Variants in STRBP observed in about 807,000 individuals in gnomAD.
The protein encoded by STRBP is spermatid perinuclear RNA binding protein.
STRBP carries 13 observed loss-of-function variants against 80.1 expected under a neutral mutation model. The observed-to-expected ratio is 0.16, with a 90% CI of 0.11 to 0.26. The LOEUF (loss-of-function observed/expected upper bound fraction) is 0.26, where lower values mean the gene tolerates loss of function less well. Among genes scored for constraint, STRBP ranks in the 10% least tolerant of loss-of-function variants. The probability of loss-of-function intolerance (pLI) is 1.00; values close to 1 mark genes in which losing one functional copy is unlikely to be tolerated. For missense variants in STRBP, 485 were observed against 815.2 expected (o/e 0.59, Z 4.93); for synonymous variants, 284 against 291.2 (o/e 0.98, Z 0.25).
chr9:123,237,987 A>T (rs999817223), intron 1 of STRBP, among the ~76,000 whole-genome samples: 25 of 152,218 alleles, frequency 1.6e-4, no homozygotes, highest in African/African-American at 5.3e-4. Context: ...CCACCTGTGT[A>T]ACCTTGAGAT....
intron 2 of STRBP, among the ~76,000 whole-genome samples, chr9:123,234,635 T>C (rs937403104): frequency 1.3e-5 from 2 of 152,126 alleles, no homozygotes; most frequent in South Asian, 2.1e-4. Flanking sequence ...AGTAATAGTA[T>C]ATAAAGTGCC....
chr9:123,260,807 T>C (rs1194611698), intron 1 of STRBP, among the ~76,000 whole-genome samples: 3 of 152,170 alleles, frequency 2.0e-5, no homozygotes, highest in East Asian at 1.9e-4. Context: ...TTGATGGCTA[T>C]ATGGAAATTT....
chr9:123,149,394 A>G (rs2036960220), intron 11 of STRBP, among the ~76,000 whole-genome samples: 1 of 152,244 alleles, frequency 6.6e-6, no homozygotes, highest in Non-Finnish European at 1.5e-5. Flanking sequence ...AAAAGGAACT[A>G]TGTCTATTCA....
At chr9:123,146,713 G>T in intron 13 of STRBP, 142 bp downstream of exon 13, 1 of 733,616 alleles carries the variant, frequency 1.4e-6, no homozygotes, top group Non-Finnish European at 2.0e-6. Flanking sequence ...AAACAACTTT[G>T]TTATCCAGAA....
At position 123,169,033 on chromosome 9, in the gene STRBP, C is replaced by G. The variant is rs536068696; in HGVS notation, c.535+869G>C. On this transcript the variant is annotated intron_variant, in intron 6 of 18. Coordinates refer to ENST00000348403, the MANE Select transcript of STRBP (RefSeq NM_018387.5). ...CACAAACCTCCTAAAAAAAAATTTA[C>G]TAAACATTATCCATTAAAAAAATTC... Among the ~76,000 whole-genome samples the G allele has an allele frequency of 5.9e-5, 9 of 152,182 alleles. No individual in the cohort carries two copies. In the East Asian group the frequency reaches 1.4e-3, roughly 23 times the overall value.
intron 2 of STRBP, among the ~76,000 whole-genome samples, chr9:123,202,167 C>T (rs1365657097): frequency 2.0e-5 from 3 of 152,132 alleles, no homozygotes; most frequent in Non-Finnish European, 4.4e-5. Context: ...ATTCTGTATC[C>T]ATTCTGCCAT....
chr9:123,205,487 T>C (rs2039482370), intron 2 of STRBP, among the ~76,000 whole-genome samples: 1 of 152,190 alleles, frequency 6.6e-6, no homozygotes, highest in African/African-American at 2.4e-5. Flanking sequence ...TGAGGTAAGT[T>C]TGCAAAACGA....
intron 2 of STRBP, among the ~76,000 whole-genome samples, chr9:123,230,970 C>T (rs1490922301): frequency 6.6e-6 from 1 of 152,158 alleles, no homozygotes; most frequent in East Asian, 1.9e-4. Flanking sequence ...TTACAAAATC[C>T]TCTTTGCAGA....
chr9:123,229,211 G>GTA (rs2040330072), intron 2 of STRBP, among the ~76,000 whole-genome samples: 1 of 152,268 alleles, frequency 6.6e-6, no homozygotes, highest in African/African-American at 2.4e-5. Context: ...CCACTAAGGG[G>GTA]TACAGAGTTT....
chr9:123,222,778 T>C (rs1015217003), intron 2 of STRBP, among the ~76,000 whole-genome samples: 4 of 152,180 alleles, frequency 2.6e-5, no homozygotes, highest in African/African-American at 4.8e-5. Flanking sequence ...CAAACCCAGA[T>C]AGTTTCTCTT....
In STRBP at chr9:123,136,118, C is replaced by T. The variant is rs766025671; in HGVS notation, c.1696G>A (p.Ala566Thr). Residue 566 changes from alanine (A) to threonine (T), a missense_variant, in exon 16 of 19, where the codon GCA (alanine) becomes ACA (threonine). Around this residue, in one of 3 missense-constraint regions of STRBP, gnomAD observed 23 missense variants for 79.0 expected, o/e 0.29. Coordinates refer to ENST00000348403, the MANE Select transcript of STRBP (RefSeq NM_018387.5). The surrounding 1 kb of genome is among the most constrained non-coding windows in gnomAD (Gnocchi z 4.2). ...AGTTTCTCCAAGGCAGCTAAAGCTG[C>T]ACTCGCCTTTGCCACTTTCTTATTT... ...GPNKKVAKASAALAALEKLFS... is the reference protein window; with the variant it reads ...GPNKKVAKASTALAALEKLFS... The T allele has an allele frequency of 3.1e-6, 5 of 1,614,100 alleles. No homozygotes were observed. In the African/African-American group the frequency reaches 6.7e-5, roughly 22 times the overall value.
intron 2 of STRBP, among the ~76,000 whole-genome samples, chr9:123,189,157 C>T (rs962959557): frequency 1.4e-4 from 21 of 150,368 alleles, no homozygotes; most frequent in Admixed American, 9.9e-4. Flanking sequence ...ATGTCCTTTG[C>T]AGGGACATGG....
intron 1 of STRBP, among the ~76,000 whole-genome samples, chr9:123,265,354 A>C (rs1392513491): frequency 6.6e-6 from 1 of 152,218 alleles, no homozygotes; most frequent in East Asian, 1.9e-4. Context: ...AAAAGAAGAA[A>C]ACTAATCAAC....
intron 5 of STRBP, among the ~76,000 whole-genome samples, chr9:123,171,660 T>C (rs2038015949): frequency 1.3e-5 from 2 of 152,190 alleles, no homozygotes; most frequent in African/African-American, 2.4e-5. Flanking sequence ...TACAAGAAAA[T>C]GTATCTTTAC....
chr9:123,113,142 G>C (rs770533395), intron 3 of STRBP: 1 of 167,184 alleles, frequency 6.0e-6, no homozygotes, highest in Non-Finnish European at 1.5e-5. Context: ...AGGAAGTCCA[G>C]ACTAAACGGA....
chr9:123,112,057 C>A, intron 3 of STRBP: 1 of 173,810 alleles, frequency 5.8e-6, no homozygotes. Context: ...CTGCTCAGAG[C>A]ACAGCACACC....
chr9:123,164,337 G>A (rs1263443994), intron 6 of STRBP, among the ~76,000 whole-genome samples: 6 of 152,112 alleles, frequency 3.9e-5, no homozygotes, highest in Non-Finnish European at 5.9e-5. Context: ...GTGAGCCACC[G>A]CACCCGGCCA....
chr9:123,197,541 A>G (rs1054037659), intron 2 of STRBP, among the ~76,000 whole-genome samples: 3 of 150,440 alleles, frequency 2.0e-5, no homozygotes, highest in Non-Finnish European at 4.4e-5. Context: ...TCATTATATC[A>G]CTCCGTATGC....
At chr9:123,249,652 T>G (rs952966482) in intron 1 of STRBP, among the ~76,000 whole-genome samples, 1 of 152,118 alleles carries the variant, frequency 6.6e-6, no homozygotes, top group Admixed American at 6.5e-5. Context: ...AAATAAAAAT[T>G]ATTTTTTAAA....
Sources: gnomAD v4.1 joint callset for allele counts (sites outside exome capture counted in the v4.1 genomes callset) on GRCh38, gnomAD v4.1.1 for gene constraint, gnomAD v4.1.1 regional missense constraint, Gnocchi (gnomAD v3.1) non-coding constraint, MANE v1.5 for transcripts, NCBI Gene and HGNC (gene_info 2026-07-23, HGNC 2026-07-21) for gene names.